The following PTPRD variants were observed in gnomAD, a reference collection of about 807,000 sequenced individuals.
The protein encoded by PTPRD is protein tyrosine phosphatase receptor type D.
Under a neutral mutation model 214.5 loss-of-function variants are expected in PTPRD, and 34 were observed. The ratio of observed to expected loss-of-function variants is 0.16; its 90% confidence interval spans 0.12 to 0.21. PTPRD has a LOEUF of 0.21. PTPRD is among the 10% of genes least tolerant of loss of function. The pLI is 1.00. For synonymous variants in PTPRD, 1,128 were observed against 845.7 expected, an observed-to-expected ratio of 1.33 and a Z score of -5.79; for missense variants, 2,545 against 2,398.7, an observed-to-expected ratio of 1.06 and a Z score of -1.27.
chr9:10,420,239 T>G (rs1421086646), intron 2 of PTPRD, among the ~76,000 whole-genome samples: 1 of 151,900 alleles, frequency 6.6e-6, no homozygotes, highest in African/African-American at 2.4e-5. Context: ...CTATCAGGAA[T>G]TAACATTGAG....
At chr9:9,504,435 G>A in intron 8 of PTPRD, among the ~76,000 whole-genome samples, 1 of 151,658 alleles carries the variant, frequency 6.6e-6, no homozygotes, top group East Asian at 1.9e-4. Flanking sequence ...CATTCCAAAT[G>A]TATCTTAAGC....
chr9:8,374,377 T>C (rs1015706802), intron 39 of PTPRD, among the ~76,000 whole-genome samples: 6 of 151,896 alleles, frequency 4.0e-5, no homozygotes, highest in Admixed American at 3.3e-4. Flanking sequence ...CTGATCAAAC[T>C]AGCACCTGAA....
At chr9:10,292,947 A>G (rs997664306) in intron 3 of PTPRD, among the ~76,000 whole-genome samples, 2 of 151,878 alleles carry the variant, frequency 1.3e-5, no homozygotes, top group Non-Finnish European at 2.9e-5. Context: ...GGCCAATACT[A>G]CCCACTTTTG....
intron 8 of PTPRD, among the ~76,000 whole-genome samples, chr9:9,400,799 T>C (rs1330163219): frequency 6.6e-6 from 1 of 152,122 alleles, no homozygotes; most frequent in Admixed American, 6.6e-5. Context: ...GGATAGCATA[T>C]GCACCTACAG....
intron 9 of PTPRD, among the ~76,000 whole-genome samples, chr9:9,288,683 GT>G (rs1950247251): frequency 6.6e-6 from 1 of 151,788 alleles, no homozygotes; most frequent in Non-Finnish European, 1.5e-5. Flanking sequence ...TACATGCTTT[GT>G]TTTTCTTGGT....
At chr9:9,248,563 A>C (rs1175980444) in intron 9 of PTPRD, among the ~76,000 whole-genome samples, 1 of 152,074 alleles carries the variant, frequency 6.6e-6, no homozygotes, top group Admixed American at 6.6e-5. Context: ...AGAGTTTTAG[A>C]GTAATGATTG....
intron 9 of PTPRD, among the ~76,000 whole-genome samples, chr9:9,255,509 C>T (rs2099977338): frequency 2.0e-5 from 3 of 151,958 alleles, no homozygotes; most frequent in Admixed American, 2.0e-4. Context: ...GAAAATCTCA[C>T]GATGCAATTC....
At chr9:9,412,085 C>T (rs2075629862) in intron 8 of PTPRD, among the ~76,000 whole-genome samples, 1 of 152,186 alleles carries the variant, frequency 6.6e-6, no homozygotes, top group Admixed American at 6.5e-5. Context: ...AGCGATTATA[C>T]AGCCAAATTT....
At chr9:10,611,342 C>T (rs1214144743) in intron 2 of PTPRD, among the ~76,000 whole-genome samples, 3 of 152,104 alleles carry the variant, frequency 2.0e-5, no homozygotes, top group African/African-American at 7.2e-5. Flanking sequence ...GATTCAGAAT[C>T]CATTTGGCAG....
At chr9:9,815,643 A>C (rs2048513232) in intron 5 of PTPRD, among the ~76,000 whole-genome samples, 2 of 152,196 alleles carry the variant, frequency 1.3e-5, no homozygotes, top group Non-Finnish European at 2.9e-5. Context: ...AGCCAGATAC[A>C]GCAAGATACA....
At chr9:10,512,201 C>CA (rs1454277573) in intron 2 of PTPRD, among the ~76,000 whole-genome samples, 49 of 149,890 alleles carry the variant, frequency 3.3e-4, no homozygotes, top group Non-Finnish European at 5.5e-4. Context: ...TTTACCTTAA[C>CA]AAAAAAAATC....
chr9:8,511,087 G>A (rs1390822639), intron 21 of PTPRD, among the ~76,000 whole-genome samples: 1 of 151,350 alleles, frequency 6.6e-6, no homozygotes, highest in African/African-American at 2.4e-5. Context: ...ATTTAGTTTT[G>A]AGACAAGGTC....
chr9:8,366,140 G>T (rs926821093), intron 39 of PTPRD, among the ~76,000 whole-genome samples: 9 of 152,012 alleles, frequency 5.9e-5, no homozygotes, highest in Admixed American at 3.3e-4. Context: ...AGAGAGAAAA[G>T]AAATATTCTC....
intron 7 of PTPRD, among the ~76,000 whole-genome samples, chr9:9,696,813 TG>T (rs2097383829): frequency 6.6e-6 from 1 of 152,110 alleles, no homozygotes; most frequent in African/African-American, 2.4e-5. Context: ...ATGTTATTAT[TG>T]ATAGGTAAAG....
intron 11 of PTPRD, among the ~76,000 whole-genome samples, chr9:8,903,514 A>G (rs1457898542): frequency 6.6e-6 from 1 of 152,174 alleles, no homozygotes; most frequent in Admixed American, 6.5e-5. Context: ...TCACTTTCAA[A>G]AGCTTCAAAT....
intron 7 of PTPRD, among the ~76,000 whole-genome samples, chr9:9,621,908 G>T (rs930788768): frequency 5.3e-5 from 8 of 152,050 alleles, no homozygotes; most frequent in African/African-American, 1.4e-4. Context: ...CCTCTTGAAG[G>T]CTTCTAAAAT....
At chr9:9,564,163 C>T (rs552305063) in intron 8 of PTPRD, among the ~76,000 whole-genome samples, 1 of 152,094 alleles carries the variant, frequency 6.6e-6, no homozygotes, top group Non-Finnish European at 1.5e-5. Flanking sequence ...ACCAGCTGAG[C>T]TTTTTAAAGT....
intron 3 of PTPRD, among the ~76,000 whole-genome samples, chr9:10,333,124 G>C (rs149868928): frequency 3.3e-5 from 5 of 151,908 alleles, no homozygotes; most frequent in African/African-American, 1.2e-4. Context: ...TACGAAGTGA[G>C]GATATTCAGT....
At chr9:9,422,545 G>A (rs1569568186) in intron 8 of PTPRD, among the ~76,000 whole-genome samples, 1 of 152,068 alleles carries the variant, frequency 6.6e-6, no homozygotes, top group Non-Finnish European at 1.5e-5. Context: ...TTCATTGGAC[G>A]TAAGACATAC....
Sources: allele counts gnomAD v4.1 joint callset (sites outside exome capture counted in the v4.1 genomes callset), GRCh38; gene constraint gnomAD v4.1.1; transcripts MANE v1.5; gene names NCBI Gene and HGNC (gene_info 2026-07-23, HGNC 2026-07-21).